Variants in AQP7 observed in about 807,000 individuals in gnomAD.
AQP7 encodes aquaporin-7.
Under a neutral mutation model 26.1 loss-of-function variants are expected in AQP7, and 22 were observed. The ratio of observed to expected loss-of-function variants is 0.84; its 90% CI spans 0.60 to 1.20. The LOEUF (loss-of-function observed/expected upper bound fraction) is 1.20. AQP7 is among the 50% of genes most tolerant of loss of function. AQP7 has a pLI of 0.00. For synonymous variants in AQP7, 167 were observed against 181.7 expected (o/e 0.92, Z 0.65); for missense variants, 412 against 457.5 (o/e 0.90, Z 0.91).
chr9:33,390,680 C>T (rs1241991495), intron 3 of AQP7, among the ~76,000 whole-genome samples: 5 of 152,000 alleles, frequency 3.3e-5, no homozygotes, highest in Admixed American at 2.6e-4. Flanking sequence ...GATGGGGGTG[C>T]AGGGGGGAGT....
chr9:33,397,863 C>T (rs1214655992), intron 2 of AQP7, among the ~76,000 whole-genome samples: 2 of 152,202 alleles, frequency 1.3e-5, no homozygotes, highest in Admixed American at 6.5e-5. Flanking sequence ...CACCACACAG[C>T]TGGCAAGACA....
At chr9:33,400,932 C>T (rs1296189896) in intron 2 of AQP7, 3 of 460,594 alleles carry the variant, frequency 6.5e-6, no homozygotes, top group African/African-American at 3.9e-5. Context: ...CTCTTGTTCA[C>T]CCCAAAGACA....
chr9:33,387,292 A>T (rs79292760), intron 3 of AQP7, among the ~76,000 whole-genome samples, 200 bp from the exon 4 acceptor site: 1 of 152,064 alleles, frequency 6.6e-6, no homozygotes, highest in Middle Eastern at 3.4e-3. Context: ...GGCCTCTCAG[A>T]CCTGAGCCAC....
In AQP7 at chr9:33,395,115, T is replaced by C; in HGVS notation, c.107A>G (p.Glu36Gly). The C allele has an allele frequency of 1.2e-6, 2 of 1,612,518 alleles. No individual in the cohort carries two copies. The highest frequency in any genetic ancestry group is 2.2e-5 in the South Asian group (2 of 91,056). ...QEILQRKMVREFLAEFMSTYV... is the reference protein window; with the variant it reads ...QEILQRKMVRGFLAEFMSTYV... ...TGTGCTCATGAACTCGGCCAGGAAC[T>C]CTCGCACCATCTTCCTCTGCAGTAT... The change falls in exon 3 of 8, where the codon GAG becomes GGG. Residue 36 changes from glutamate to glycine, a missense_variant. Coordinates refer to ENST00000297988, the MANE Select transcript of AQP7 (RefSeq NM_001170.3).
At chr9:33,386,270 G>A (rs375571156) in intron 5 of AQP7, 75 bp from the exon 6 acceptor site, 1 of 1,605,532 alleles carries the variant, frequency 6.2e-7, no homozygotes, top group African/African-American at 1.3e-5. Context: ...GAGGTTATAG[G>A]TTAGAGGGTG....
chr9:33,391,914 T>TTCAGGTA (rs1564181542), intron 3 of AQP7, among the ~76,000 whole-genome samples: 1 of 152,142 alleles, frequency 6.6e-6, no homozygotes, highest in Non-Finnish European at 1.5e-5. Context: ...TTGAACTACC[T>TTCAGGTA]GAAAGTGAGG....
intron 3 of AQP7, among the ~76,000 whole-genome samples, chr9:33,390,752 G>C (rs1050082281): frequency 6.6e-6 from 1 of 152,208 alleles, no homozygotes; most frequent in African/African-American, 2.4e-5. Context: ...AGCAGGCATG[G>C]AGGGTCTGAA....
chr9:33,386,647 A>G, intron 4 of AQP7, 106 bp from the exon 5 acceptor site: 2 of 1,419,970 alleles, frequency 1.4e-6, no homozygotes, highest in East Asian at 2.5e-5. Context: ...ATGCTCCGTG[A>G]CAGAGCTCTC....
At chr9:33,400,500 G>A (rs896679300) in intron 2 of AQP7, among the ~76,000 whole-genome samples, 33 of 152,250 alleles carry the variant, frequency 2.2e-4, no homozygotes, top group African/African-American at 6.3e-4. Flanking sequence ...GTCAGTGTGA[G>A]GCCAGGTGCA....
At chr9:33,385,537 C>T (rs1012972332) in intron 7 of AQP7, 112 bp downstream of exon 7, 1 of 1,353,356 alleles carries the variant, frequency 7.4e-7, no homozygotes, top group Non-Finnish European at 1.0e-6. Flanking sequence ...CCCAGGCTAC[C>T]TGGGGGCTCA....
chr9:33,385,268 C>T lies in AQP7; in HGVS notation c.766G>A (p.Val256Met), dbSNP rs1554714474. ...CCCAGAAGTGGTGCCACCACTGGCACCCACCACCAGTTCTCCCCATTGCTG... is the reference window on the plus strand; with the variant it reads ...CCCAGAAGTGGTGCCACCACTGGCATCCACCACCAGTTCTCCCCATTGCTG... ...VFSNGENWWW[V>M]PVVAPLLGAY... The change falls in exon 8 of 8, where the codon GTG becomes ATG. Residue 256 changes from valine (V) to methionine (M), a missense_variant. Physicochemically the swap from Val to Met is conservative, Grantham distance 21. Coordinates refer to ENST00000297988, the MANE Select transcript of AQP7 (RefSeq NM_001170.3). 4.3e-6 allele frequency: 7 copies of T among 1,611,122 alleles called. No homozygotes were observed. The highest frequency in any genetic ancestry group is 5.1e-6 in the Non-Finnish European group (6 of 1,179,460).
At chr9:33,393,988 A>G (rs1368584557) in intron 3 of AQP7, 1 of 152,156 alleles carries the variant, frequency 6.6e-6, no homozygotes, top group East Asian at 1.9e-4. Context: ...CTTTCTGTAC[A>G]CTGTCTCTGG....
At chr9:33,399,109 G>A (rs1037005923) in intron 2 of AQP7, among the ~76,000 whole-genome samples, 14 of 150,012 alleles carry the variant, frequency 9.3e-5, no homozygotes, top group African/African-American at 3.4e-4. Context: ...CAAGGTGCAG[G>A]GATTTCAGGC....
chr9:33,392,512 A>G (rs1441179718), intron 3 of AQP7, among the ~76,000 whole-genome samples: 1 of 152,118 alleles, frequency 6.6e-6, no homozygotes, highest in Non-Finnish European at 1.5e-5. Context: ...GGGATGCATT[A>G]GGTGCTCAAT....
At position 33,384,740 on chromosome 9, in the gene AQP7, T is replaced by G; in HGVS notation, c.*265A>C. Reference sequence around the variant, plus strand: ...TTCCCCCGTGCCTGAAAATCCCTCATTCTGTCGTTCTTTCATCTCACCCTG... The same window carrying G: ...TTCCCCCGTGCCTGAAAATCCCTCAGTCTGTCGTTCTTTCATCTCACCCTG... On this transcript the variant is annotated 3_prime_UTR_variant, in exon 8 of 8. Coordinates refer to ENST00000297988, the MANE Select transcript of AQP7 (RefSeq NM_001170.3). The G allele has an allele frequency of 8.3e-6, 3 of 359,380 alleles. No individual in the cohort carries two copies. The highest frequency in any genetic ancestry group is 1.0e-5 in the Non-Finnish European group (2 of 199,996). The allele number at this position is 359,380 out of a possible 1,614,324, so 22.3% of individuals were successfully genotyped here. A position where few individuals can be genotyped will look rare whatever the true frequency, so the allele number is the denominator to read the frequency against.
intron 3 of AQP7, among the ~76,000 whole-genome samples, chr9:33,388,941 C>T (rs1443867500): frequency 2.6e-5 from 4 of 152,152 alleles, no homozygotes; most frequent in Non-Finnish European, 5.9e-5. Context: ...ATTGCAGCCT[C>T]CATCTCCTGG....
At chr9:33,394,776 G>T (rs1371246428) in intron 3 of AQP7, among the ~76,000 whole-genome samples, 1 of 152,032 alleles carries the variant, frequency 6.6e-6, no homozygotes, top group Non-Finnish European at 1.5e-5. Flanking sequence ...GGAATTACAG[G>T]CATGAGCCAC....
chr9:33,396,786 A>G (rs1454089269), intron 2 of AQP7, among the ~76,000 whole-genome samples: 3 of 150,344 alleles, frequency 2.0e-5, no homozygotes, highest in African/African-American at 2.4e-5. Flanking sequence ...AGCTGGGGCA[A>G]TGCTCATCAC....
At chr9:33,390,336 G>A (rs146382471) in intron 3 of AQP7, among the ~76,000 whole-genome samples, 8,060 of 152,030 alleles carry the variant, frequency 0.053, 297 homozygotes, top group East Asian at 0.14. Context: ...AGAGGACCCC[G>A]CCCCAGCCAA....
Sources: gnomAD v4.1 joint callset for allele counts (sites outside exome capture counted in the v4.1 genomes callset) on GRCh38, gnomAD v4.1.1 for gene constraint, MANE v1.5 for transcripts, NCBI Gene and HGNC (gene_info 2026-07-23, HGNC 2026-07-21) for gene names.